RHD: variants seen among roughly 807,000 people sequenced by gnomAD.
RHD encodes blood group Rh(D) polypeptide.
RHD carries 16 observed loss-of-function variants against 45.5 expected under a neutral mutation model. The ratio of observed to expected loss-of-function variants is 0.35; its 90% CI spans 0.24 to 0.53. The LOEUF is 0.53. Among genes scored for constraint, RHD ranks in the 20% least tolerant of loss-of-function variants. The pLI is 0.92. For synonymous variants in RHD, 131 were observed against 217.5 expected, an observed-to-expected ratio of 0.60 and a Z score of 3.50; for missense variants, 306 against 532.0, an observed-to-expected ratio of 0.58 and a Z score of 4.18.
At chr1:25,305,543 C>T (rs1643744780) in intron 6 of RHD, among the ~76,000 whole-genome samples, 1 of 128,646 alleles carries the variant, frequency 7.8e-6, no homozygotes, top group Non-Finnish European at 1.8e-5. Context: ...ATTACAGGTG[C>T]CCACCACCAT....
rs1318454093 is a variant in RHD at position 25,307,046 on chromosome 1, G to A, written c.1073+317G>A. ...CAATTGAGACTGTGGTTCAGGTCGT[G>A]ATGCAGAGCTTTGCTGTGGACGTGC... On this transcript the variant is annotated intron_variant, in intron 7 of 9. Transcript: ENST00000328664. 2 of 341,162 alleles carry A rather than the reference G, an allele frequency of 5.9e-6. 1 individual carries two copies. 21.1% of individuals were successfully genotyped at this position (341,162 alleles called of 1,614,324 possible). A position where few individuals can be genotyped will look rare whatever the true frequency, so the allele number is the denominator to read the frequency against.
At position 25,280,221 on chromosome 1, in the gene RHD, C is replaced by G. The variant is rs577843291; in HGVS notation, c.149-4352C>G. 3.4e-3 allele frequency among the ~76,000 whole-genome samples: 434 copies of G among 126,842 alleles called. 106 individuals carry two copies. Among genetic ancestry groups the G allele is most frequent in the Non-Finnish European group, 6.2e-3 (336 of 54,130 alleles). The allele number at this position is 126,842 out of a possible 152,430, so 83.2% of individuals were successfully genotyped here. A position where few individuals can be genotyped will look rare whatever the true frequency, so the allele number is the denominator to read the frequency against. ...GCCTTGGGGAGGAAGGCCCTGAGCG[C>G]GTATACCTGGAATCAGGGAATCGGG... On this transcript the variant is annotated intron_variant, in intron 1 of 9. Coordinates refer to ENST00000328664, the MANE Select transcript of RHD (RefSeq NM_016124.6).
Position 25,303,392 on chromosome 1 carries a change from C to G in RHD, c.872C>G (p.Pro291Arg), listed in dbSNP as rs778406196. 5.1e-6 allele frequency: 7 copies of G among 1,378,616 alleles called. 3 individuals are homozygous for G. The highest frequency in any genetic ancestry group is 3.6e-4 in the Middle Eastern group (2 of 5,504). The allele number at this position is 1,378,616 out of a possible 1,614,324, so 85.4% of individuals were successfully genotyped here. ...VGTSCHLIPS[P>R]WLAMVLGLVA... ...ACCTCGTGTCACCTGATCCCTTCTC[C>G]GTGGCTTGCCATGGTGCTGGGTCTT... The change falls in exon 6 of 10, where the codon CCG becomes CGG. Residue 291 changes from proline (P) to arginine (R), a missense_variant. Transcript: ENST00000328664.
rs1258033121 is a variant in RHD, at chr1:25,278,891, G to A, written c.149-5682G>A. Among the ~76,000 whole-genome samples, 2 of 128,758 alleles carry A rather than the reference G, an allele frequency of 1.6e-5. 1 individual carries two copies. Among genetic ancestry groups the A allele is most frequent in the Non-Finnish European group, 3.7e-5 (2 of 54,582 alleles). The allele number at this position is 128,758 out of a possible 152,430, so 84.5% of individuals were successfully genotyped here. On this transcript the variant is annotated intron_variant, in intron 1 of 9. Transcript: ENST00000328664. Reference sequence around the variant, plus strand: ...CCGGTAGAGTAGAGGCTGTGGGCGAGGAGGTGGCGGCCTCCTGAGGCTGCA... The same window carrying A: ...CCGGTAGAGTAGAGGCTGTGGGCGAAGAGGTGGCGGCCTCCTGAGGCTGCA...
chr1:25,313,902 G>A lies in RHD; in HGVS notation c.1074-3098G>A, dbSNP rs974367036. Reference sequence around the variant, plus strand: ...CCTGTCATAAATGAATGCCAGATAGGCAAATAGAGAATCTAAGAAAAGATA... The same window carrying A: ...CCTGTCATAAATGAATGCCAGATAGACAAATAGAGAATCTAAGAAAAGATA... On this transcript the variant is annotated intron_variant, in intron 7 of 9. Transcript: ENST00000328664. Among the ~76,000 whole-genome samples the A allele has an allele frequency of 9.0e-5, 12 of 133,230 alleles. 2 individuals are homozygous for A. Among genetic ancestry groups the A allele is most frequent in the Admixed American group, 7.3e-4 (10 of 13,668 alleles). The allele number at this position is 133,230 out of a possible 152,430, so 87.4% of individuals were successfully genotyped here.
At chr1:25,312,313 A>G (rs1275875044) in intron 7 of RHD, among the ~76,000 whole-genome samples, 1 of 101,660 alleles carries the variant, frequency 9.8e-6, no homozygotes, top group East Asian at 2.1e-4. Flanking sequence ...TTGGAAGTCA[A>G]TAACTTGTTT....
chr1:25,290,466 A>C (rs2124640458), intron 2 of RHD, among the ~76,000 whole-genome samples, 175 bp from the exon 3 acceptor site: 1 of 128,812 alleles, frequency 7.8e-6, no homozygotes, highest in East Asian at 2.0e-4. Context: ...AGAGATGGTC[A>C]CTCCACTCTG....
rs1385364008 is a variant in RHD at position 25,286,568 on chromosome 1, T to C, written c.335+1809T>C. Among the ~76,000 whole-genome samples the C allele has an allele frequency of 5.2e-5, 7 of 133,946 alleles. 2 individuals carry two copies. The highest frequency in any genetic ancestry group is 7.2e-5 in the Admixed American group (1 of 13,938). 87.9% of individuals were successfully genotyped at this position (133,946 alleles called of 152,430 possible). A position where few individuals can be genotyped will look rare whatever the true frequency, so the allele number is the denominator to read the frequency against. The stretch of plus-strand genomic sequence containing the variant: ...TTGGGAGGCCAAGGCGGGGGGATCA[T>C]GAGGTCAGGAGATCGAGACCATCCT... On this transcript the variant is annotated intron_variant, in intron 2 of 9. Transcript: ENST00000328664.
intron 7 of RHD, among the ~76,000 whole-genome samples, chr1:25,315,145 ACT>A (rs1351032285): frequency 7.8e-6 from 1 of 128,042 alleles, no homozygotes; most frequent in Non-Finnish European, 1.8e-5. Flanking sequence ...ACACAGCAAG[ACT>A]CCATCTCAAA....
rs75145965 is a variant in RHD, at chr1:25,320,691, T to A, written c.1154-1198T>A. Among the ~76,000 whole-genome samples the A allele has an allele frequency of 4.0e-3, 534 of 132,300 alleles. 129 individuals carry two copies. The highest frequency in any genetic ancestry group is 7.3e-3 in the Non-Finnish European group (405 of 55,824). 86.8% of individuals were successfully genotyped at this position (132,300 alleles called of 152,430 possible). On this transcript the variant is annotated intron_variant, in intron 8 of 9. Transcript: ENST00000328664. Reference sequence around the variant, plus strand: ...CATTCCATGTGTCCTGTGAAATTCATCCAACTTCAGGAAGCTGGAGGAATA... The same window carrying A: ...CATTCCATGTGTCCTGTGAAATTCAACCAACTTCAGGAAGCTGGAGGAATA...
At chr1:25,307,781 C>A (rs1211281093) in intron 7 of RHD, 2 of 1,301,496 alleles carry the variant, frequency 1.5e-6, no homozygotes, top group Admixed American at 2.1e-5. Flanking sequence ...ACAGAGACAA[C>A]CATAGCCCCA....
rs1248022618 is a variant in RHD at position 25,293,210 on chromosome 1, AG to A, written c.486+2421del. Among the ~76,000 whole-genome samples the A allele has an allele frequency of 3.1e-5, 4 of 130,638 alleles. 1 individual carries two copies. Among genetic ancestry groups the A allele is most frequent in the Non-Finnish European group, 7.2e-5 (4 of 55,546 alleles). 85.7% of individuals were successfully genotyped at this position (130,638 alleles called of 152,430 possible). A position where few individuals can be genotyped will look rare whatever the true frequency, so the allele number is the denominator to read the frequency against. On this transcript the variant is annotated intron_variant, in intron 3 of 9. Transcript: ENST00000328664. ...GGGAACAGAGAAATGGAGGAGAAGC[AG>A]GAGGGCAATAATCCGATAGAGAGGA... is the stretch of plus-strand genomic sequence containing the variant.
intron 3 of RHD, among the ~76,000 whole-genome samples, chr1:25,298,467 C>T (rs1643117772): frequency 7.9e-6 from 1 of 126,566 alleles, no homozygotes; most frequent in Admixed American, 7.8e-5. Context: ...CAGGAGGGCC[C>T]GGGGGAACCA....
rs112698916 is a variant in RHD at position 25,312,540 on chromosome 1, C to T, written c.1074-4460C>T. ...TGGGAGGATTGCTTGAGCCCAGGAG[C>T]TCAAGACCAGCCTGGGCAACATAGT... On this transcript the variant is annotated intron_variant, in intron 7 of 9. Transcript: ENST00000328664. Among the ~76,000 whole-genome samples the T allele has an allele frequency of 6.2e-5, 8 of 130,030 alleles. 2 individuals are homozygous for T. The highest frequency in any genetic ancestry group is 1.5e-4 in the Non-Finnish European group (8 of 54,974). The allele number at this position is 130,030 out of a possible 152,430, so 85.3% of individuals were successfully genotyped here. A position where few individuals can be genotyped will look rare whatever the true frequency, so the allele number is the denominator to read the frequency against.
intron 9 of RHD, among the ~76,000 whole-genome samples, chr1:25,322,614 A>G (rs1644776509): frequency 7.6e-6 from 1 of 131,088 alleles, no homozygotes; most frequent in Admixed American, 7.4e-5. Flanking sequence ...CGAAGTTTGC[A>G]GTGATCTGAG....
At position 25,289,179 on chromosome 1, in the gene RHD, G is replaced by A. The variant is rs1642285447; in HGVS notation, c.336-1462G>A. ...GGGATACTGAATGGTGAGCTAGCACGATTTTACAGAGAGTGAATTTTTTTT... is the reference window on the plus strand; with the variant it reads ...GGGATACTGAATGGTGAGCTAGCACAATTTTACAGAGAGTGAATTTTTTTT... On this transcript the variant is annotated intron_variant, in intron 2 of 9. Transcript: ENST00000328664. Among the ~76,000 whole-genome samples the A allele has an allele frequency of 1.5e-5, 2 of 132,176 alleles. 1 individual carries two copies. The highest frequency in any genetic ancestry group is 1.5e-4 in the Admixed American group (2 of 13,584). The allele number at this position is 132,176 out of a possible 152,430, so 86.7% of individuals were successfully genotyped here.
intron 3 of RHD, among the ~76,000 whole-genome samples, chr1:25,298,864 ACACG>A (rs2124667106): frequency 7.7e-6 from 1 of 129,454 alleles, no homozygotes; most frequent in Admixed American, 7.5e-5. Flanking sequence ...GAGAAAAGAA[ACACG>A]AAAAGTTGGG....
rs1406038798 is a variant in RHD at position 25,280,375 on chromosome 1, G to A, written c.149-4198G>A. ...GGCTGGAGTACAGTGGTGCGATCTC[G>A]GCTCACTGCAACCTCAGCCTTCTGG... On this transcript the variant is annotated intron_variant, in intron 1 of 9. Transcript: ENST00000328664. Among the ~76,000 whole-genome samples, 42 of 122,790 alleles carry A rather than the reference G, an allele frequency of 3.4e-4. 13 individuals carry two copies. Among genetic ancestry groups the A allele is most frequent in the Non-Finnish European group, 6.9e-4 (36 of 52,428 alleles). The allele number at this position is 122,790 out of a possible 152,430, so 80.6% of individuals were successfully genotyped here.
At chr1:25,310,166 T>G (rs1644064602) in intron 7 of RHD, among the ~76,000 whole-genome samples, 1 of 133,024 alleles carries the variant, frequency 7.5e-6, no homozygotes. Flanking sequence ...TTGTCTGTTT[T>G]TGTACATTAT....
Sources: allele counts gnomAD v4.1 joint callset (sites outside exome capture counted in the v4.1 genomes callset), GRCh38; gene constraint gnomAD v4.1.1; transcripts MANE v1.5; gene names NCBI Gene and HGNC (gene_info 2026-07-23, HGNC 2026-07-21).